Variants in TLL2 observed in about 807,000 individuals in gnomAD.
The protein encoded by TLL2 is tolloid like 2.
A neutral mutation model predicts 123.0 loss-of-function variants in TLL2; 106 were observed. That is an observed-to-expected ratio of 0.86 (90% confidence interval 0.74 to 1.01). The LOEUF is 1.01. TLL2 is among the 50% of genes least tolerant of loss of function. The pLI is 0.00. For missense variants in TLL2, 1,332 were observed against 1,336.7 expected (o/e 1.00, Z 0.06); for synonymous variants, 494 against 516.8 (o/e 0.96, Z 0.60).
At chr10:96,477,040 T>C (rs987683721) in intron 2 of TLL2, among the ~76,000 whole-genome samples, 10 of 150,032 alleles carry the variant, frequency 6.7e-5, no homozygotes, top group Non-Finnish European at 1.3e-4. Flanking sequence ...GACTTTTTTT[T>C]TTTTTTTTTT....
intron 2 of TLL2, among the ~76,000 whole-genome samples, chr10:96,463,197 TC>T (rs1847096587): frequency 6.6e-6 from 1 of 152,168 alleles, no homozygotes; most frequent in South Asian, 2.1e-4. Flanking sequence ...CCCATGTGGT[TC>T]CCGAAGCCAG....
At position 96,370,123 on chromosome 10, in the gene TLL2, T is replaced by A. The variant is rs748478726; in HGVS notation, c.2855A>T (p.Glu952Val). 2 of 1,613,626 alleles carry A rather than the reference T, an allele frequency of 1.2e-6. No individual in the cohort carries two copies. Among genetic ancestry groups the A allele is most frequent in the South Asian group, 2.2e-5 (2 of 90,980 alleles). ...EEADCGYDYM[E>V]AYDGYDSSAP... ...TGAGCTGTCGTAGCCGTCGTAGGCT[T>A]CCATGTAGTCGTAGCCGCAGTCGGC... Residue 952 changes from glutamate (E) to valine (V), a missense_variant, in exon 20 of 21, where the codon GAA (glutamate) becomes GTA (valine). Glu to Val is a moderately radical substitution (Grantham distance 121). Coordinates refer to ENST00000357947, the MANE Select transcript of TLL2 (RefSeq NM_012465.4).
At chr10:96,431,382 C>G (rs1362295645) in intron 4 of TLL2, among the ~76,000 whole-genome samples, 1 of 152,148 alleles carries the variant, frequency 6.6e-6, no homozygotes, top group East Asian at 1.9e-4. Flanking sequence ...AGGTCTTCAC[C>G]GTTCCCTAAC....
intron 1 of TLL2, among the ~76,000 whole-genome samples, chr10:96,509,733 G>A (rs968399835): frequency 2.0e-5 from 3 of 152,244 alleles, no homozygotes; most frequent in Non-Finnish European, 4.4e-5. Context: ...AGATCACGAG[G>A]TCAGGAGATT....
At chr10:96,414,341 C>G (rs1046458075) in intron 7 of TLL2, among the ~76,000 whole-genome samples, 1 of 152,168 alleles carries the variant, frequency 6.6e-6, no homozygotes, top group Admixed American at 6.5e-5. Flanking sequence ...ATTCACTTCT[C>G]AATCCACCTG....
chr10:96,388,230 C>T (rs1356218966), intron 13 of TLL2, among the ~76,000 whole-genome samples: 12 of 151,894 alleles, frequency 7.9e-5, no homozygotes, highest in African/African-American at 2.7e-4. Flanking sequence ...GGTGAAACCC[C>T]GTCTCTACTA....
At chr10:96,370,040 C>CG in intron 20 of TLL2, 25 bp downstream of exon 20, 1 of 1,543,602 alleles carries the variant, frequency 6.5e-7, no homozygotes, top group Non-Finnish European at 8.7e-7. Flanking sequence ...CACTCTGCCC[C>CG]GGCCCCAGCG....
At chr10:96,393,997 T>C (rs1408104080) in intron 13 of TLL2, among the ~76,000 whole-genome samples, 1 of 152,188 alleles carries the variant, frequency 6.6e-6, no homozygotes, top group African/African-American at 2.4e-5. Context: ...AGAGGAAAAC[T>C]GAAGCTTCAG....
At chr10:96,401,346 G>A (rs1311570293) in intron 10 of TLL2, among the ~76,000 whole-genome samples, 1 of 152,094 alleles carries the variant, frequency 6.6e-6, no homozygotes, top group Non-Finnish European at 1.5e-5. Flanking sequence ...AGATTTCATG[G>A]CACTGACCCC....
intron 13 of TLL2, among the ~76,000 whole-genome samples, chr10:96,393,686 G>A (rs1846310860): frequency 6.6e-6 from 1 of 152,016 alleles, no homozygotes. Flanking sequence ...ATCAGAAGCT[G>A]ACCTGCTTTC....
chr10:96,433,516 G>T (rs778548223), intron 3 of TLL2, among the ~76,000 whole-genome samples: 1 of 152,132 alleles, frequency 6.6e-6, no homozygotes, highest in East Asian at 1.9e-4. Flanking sequence ...AACACAAGGA[G>T]GTTCGATGGA....
At chr10:96,466,593 ACCT>A (rs1403393134) in intron 2 of TLL2, among the ~76,000 whole-genome samples, 2 of 151,612 alleles carry the variant, frequency 1.3e-5, no homozygotes, top group Non-Finnish European at 2.9e-5. Context: ...GGCTTTCTTC[ACCT>A]CCTCTCTCCA....
rs58383386 is a variant in TLL2, at chr10:96,393,739, C to CTT, written c.1726+1446_1726+1447dup. 9.2e-3 allele frequency among the ~76,000 whole-genome samples: 638 copies of CTT among 69,094 alleles called. 7 individuals are homozygous for CTT. Among genetic ancestry groups the CTT allele is most frequent in the African/African-American group, 0.025 (563 of 22,730 alleles). The allele number at this position is 69,094 out of a possible 152,430, so 45.3% of individuals were successfully genotyped here. On this transcript the variant is annotated intron_variant, in intron 13 of 20. Transcript: ENST00000357947. ...GCCTGGCTTTTTTTTTCTTTTTTTTCTTTTTTTTTTTGGCTTGAGAAAGAA... is the reference window on the plus strand; with the variant it reads ...GCCTGGCTTTTTTTTTCTTTTTTTTCTTTTTTTTTTTTTGGCTTGAGAAAGAA...
chr10:96,496,302 AC>A (rs1264462979), intron 1 of TLL2, among the ~76,000 whole-genome samples: 2 of 152,184 alleles, frequency 1.3e-5, no homozygotes, highest in African/African-American at 4.8e-5. Flanking sequence ...ATGAGTTGAG[AC>A]CTATTTGCCA....
At chr10:96,424,758 T>C (rs1044072724) in intron 5 of TLL2, among the ~76,000 whole-genome samples, 2 of 136,386 alleles carry the variant, frequency 1.5e-5, no homozygotes, top group African/African-American at 2.7e-5. Context: ...TTTGACTTTG[T>C]TTTTATGTAT....
intron 17 of TLL2, among the ~76,000 whole-genome samples, chr10:96,378,371 G>A (rs1309027501): frequency 6.6e-6 from 1 of 151,808 alleles, no homozygotes; most frequent in East Asian, 1.9e-4. Context: ...TTTCCAGGAT[G>A]ACTGGACAGT....
intron 10 of TLL2, among the ~76,000 whole-genome samples, chr10:96,403,757 C>G (rs1846419659): frequency 7.5e-6 from 1 of 134,156 alleles, no homozygotes; most frequent in Non-Finnish European, 1.7e-5. Context: ...AGGAAGACCA[C>G]TGTCCCCTGC....
intron 8 of TLL2, 67 bp from the exon 9 acceptor site, chr10:96,410,541 C>A (rs750577028): frequency 7.8e-7 from 1 of 1,284,608 alleles, no homozygotes; most frequent in Non-Finnish European, 1.1e-6. Context: ...AGCTCCCGCA[C>A]GGGGCAGCGG....
At chr10:96,433,844 C>T (rs775633670) in intron 3 of TLL2, among the ~76,000 whole-genome samples, 1 of 152,148 alleles carries the variant, frequency 6.6e-6, no homozygotes, top group Non-Finnish European at 1.5e-5. Context: ...GGCGCAATCT[C>T]GGCTCACTGC....
Sources: allele counts gnomAD v4.1 joint callset (sites outside exome capture counted in the v4.1 genomes callset), GRCh38; gene constraint gnomAD v4.1.1; transcripts MANE v1.5; gene names NCBI Gene and HGNC (gene_info 2026-07-23, HGNC 2026-07-21).